PSMD14: variants seen among roughly 807,000 people sequenced by gnomAD.
PSMD14 encodes the protein proteasome 26S subunit, non-ATPase 14, also known as ubiquitin C-terminal hydrolase PSMD14.
Under a neutral mutation model 41.2 loss-of-function variants are expected in PSMD14, and 7 were observed. The ratio of observed to expected loss-of-function variants is 0.17; its 90% confidence interval spans 0.10 to 0.32. PSMD14 has a LOEUF of 0.32. PSMD14 is among the 10% of genes least tolerant of loss of function. The pLI is 1.00. For missense variants in PSMD14, 139 were observed against 375.6 expected, an observed-to-expected ratio of 0.37 and a Z score of 5.21; for synonymous variants, 114 against 122.3, an observed-to-expected ratio of 0.93 and a Z score of 0.45.
At chr2:161,320,734 A>AT (rs894477395) in intron 3 of PSMD14, among the ~76,000 whole-genome samples, 221 of 150,754 alleles carry the variant, frequency 1.5e-3, no homozygotes, top group African/African-American at 4.9e-3. Context: ...ATTTATTATA[A>AT]TTTTTTTTTG....
intron 3 of PSMD14, among the ~76,000 whole-genome samples, chr2:161,359,521 GA>G (rs1030019189): frequency 1.3e-5 from 2 of 151,804 alleles, no homozygotes; most frequent in Non-Finnish European, 2.9e-5. Flanking sequence ...ATTGGACTTG[GA>G]AAAAGGCATA....
chr2:161,312,533 G>A (rs1160308080), intron 1 of PSMD14, among the ~76,000 whole-genome samples: 1 of 152,202 alleles, frequency 6.6e-6, no homozygotes, highest in African/African-American at 2.4e-5. Context: ...AAAGTGGAAA[G>A]TAATCAACTT....
At chr2:161,361,807 C>T (rs1683292599) in intron 3 of PSMD14, among the ~76,000 whole-genome samples, 1 of 152,084 alleles carries the variant, frequency 6.6e-6, no homozygotes, top group Non-Finnish European at 1.5e-5. Flanking sequence ...AAATTTTGCT[C>T]AGTCTTTTTG....
chr2:161,339,496 A>ATTTT, intron 3 of PSMD14, among the ~76,000 whole-genome samples: 1 of 105,584 alleles, frequency 9.5e-6, no homozygotes. Context: ...TTGTTAATGA[A>ATTTT]TTTTTTTTTT....
chr2:161,382,223 G>A (rs1683578430), intron 7 of PSMD14: 1 of 151,628 alleles, frequency 6.6e-6, no homozygotes, highest in Admixed American at 6.6e-5. Flanking sequence ...TTATATTAAA[G>A]CTACTAACAA....
At chr2:161,355,194 TACTC>T (rs1441804030) in intron 3 of PSMD14, among the ~76,000 whole-genome samples, 2 of 152,242 alleles carry the variant, frequency 1.3e-5, no homozygotes, top group East Asian at 1.9e-4. Flanking sequence ...TGGTTAAACT[TACTC>T]AAGAACCTAG....
At chr2:161,395,949 T>C (rs769233622) in intron 10 of PSMD14, among the ~76,000 whole-genome samples, 1 of 152,210 alleles carries the variant, frequency 6.6e-6, no homozygotes, top group Non-Finnish European at 1.5e-5. Flanking sequence ...TCACCTAGAA[T>C]CTTGTTAGAA....
At chr2:161,381,599 C>T (rs574921634) in intron 7 of PSMD14, 1 of 151,792 alleles carries the variant, frequency 6.6e-6, no homozygotes, top group South Asian at 2.1e-4. Flanking sequence ...TTAGTCTAGT[C>T]TTTCAGTGAC....
intron 3 of PSMD14, among the ~76,000 whole-genome samples, chr2:161,327,639 C>A (rs1041811002): frequency 1.3e-5 from 2 of 151,900 alleles, no homozygotes; most frequent in African/African-American, 4.8e-5. Context: ...TAATTATTAT[C>A]CCCAAAAGAC....
intron 10 of PSMD14, among the ~76,000 whole-genome samples, chr2:161,401,169 A>T (rs1057129320): frequency 3.3e-5 from 5 of 152,192 alleles, no homozygotes; most frequent in African/African-American, 1.2e-4. Flanking sequence ...TCTTTTCCCT[A>T]CACCTTTCCT....
At chr2:161,337,902 T>A (rs1450458938) in intron 3 of PSMD14, among the ~76,000 whole-genome samples, 1 of 152,182 alleles carries the variant, frequency 6.6e-6, no homozygotes, top group Non-Finnish European at 1.5e-5. Context: ...AAAAGTATGA[T>A]TATACTCTCT....
chr2:161,370,643 A>G (rs1683418963), intron 6 of PSMD14, among the ~76,000 whole-genome samples: 1 of 152,136 alleles, frequency 6.6e-6, no homozygotes, highest in South Asian at 2.1e-4. Flanking sequence ...CTCTTGCTCA[A>G]ATTCTTCTGC....
intron 3 of PSMD14, among the ~76,000 whole-genome samples, chr2:161,349,602 A>G (rs1305987957): frequency 6.6e-6 from 1 of 152,216 alleles, no homozygotes; most frequent in Non-Finnish European, 1.5e-5. Context: ...TCTGTGGAGC[A>G]CTGACCTAGA....
chr2:161,344,217 T>C (rs891349049), intron 3 of PSMD14, among the ~76,000 whole-genome samples: 1 of 152,130 alleles, frequency 6.6e-6, no homozygotes, highest in Non-Finnish European at 1.5e-5. Context: ...TTTAGTGTCT[T>C]ACTTAGTTGG....
At chr2:161,403,612 C>T (rs1683911208) in intron 10 of PSMD14, among the ~76,000 whole-genome samples, 2 of 152,098 alleles carry the variant, frequency 1.3e-5, no homozygotes, top group East Asian at 1.9e-4. Context: ...CTTCTCATTG[C>T]CTTAGAATGA....
intron 7 of PSMD14, among the ~76,000 whole-genome samples, chr2:161,375,107 C>G (rs969790070): frequency 6.6e-6 from 1 of 151,984 alleles, no homozygotes; most frequent in African/African-American, 2.4e-5. Context: ...TGATGTTTAT[C>G]TAACTGCAGG....
chr2:161,386,150 C>T (rs1489725594), intron 8 of PSMD14, among the ~76,000 whole-genome samples: 2 of 151,736 alleles, frequency 1.3e-5, no homozygotes, highest in African/African-American at 4.8e-5. Context: ...CACTTAATAT[C>T]CTCTTGAGTG....
At chr2:161,320,859 G>A (rs1372852130) in intron 3 of PSMD14, among the ~76,000 whole-genome samples, 11 of 151,964 alleles carry the variant, frequency 7.2e-5, no homozygotes, top group Non-Finnish European at 1.6e-4. Flanking sequence ...CCAAGTAGCT[G>A]GGATTACAGG....
chr2:161,379,605 A>G (rs2105261802), intron 7 of PSMD14, among the ~76,000 whole-genome samples: 1 of 152,166 alleles, frequency 6.6e-6, no homozygotes, highest in East Asian at 1.9e-4. Flanking sequence ...TCATGATAGC[A>G]GTACTCTGCT....
Sources: allele counts gnomAD v4.1 joint callset (sites outside exome capture counted in the v4.1 genomes callset), GRCh38; gene constraint gnomAD v4.1.1; transcripts MANE v1.5; gene names NCBI Gene and HGNC (gene_info 2026-07-23, HGNC 2026-07-21).